Variants in HVCN1 observed in about 807,000 individuals in gnomAD.
HVCN1 encodes voltage-gated hydrogen channel 1.
A neutral mutation model predicts 29.2 loss-of-function variants in HVCN1; 14 were observed. The observed-to-expected ratio is 0.48, with a 90% confidence interval of 0.32 to 0.75. HVCN1 has a LOEUF of 0.75. Ranked by LOEUF, HVCN1 falls within the 30% of genes least tolerant of loss-of-function variation. The pLI is 0.04. For synonymous variants in HVCN1, 131 were observed against 133.2 expected (o/e 0.98, Z 0.11); for missense variants, 263 against 341.8 (o/e 0.77, Z 1.82).
At chr12:110,663,689 C>T (rs1029537666) in intron 3 of HVCN1, among the ~76,000 whole-genome samples, 59 of 150,818 alleles carry the variant, frequency 3.9e-4, no homozygotes, top group African/African-American at 1.4e-3. Context: ...TAATGGGACA[C>T]TATACAGCAG....
At chr12:110,687,268 C>T (rs921853111) in intron 2 of HVCN1, among the ~76,000 whole-genome samples, 2 of 149,528 alleles carry the variant, frequency 1.3e-5, no homozygotes, top group Non-Finnish European at 3.0e-5. Flanking sequence ...CCCCCCCCCC[C>T]CAGCTAAGCA....
intron 3 of HVCN1, among the ~76,000 whole-genome samples, chr12:110,670,111 T>A (rs1566046639): frequency 2.0e-5 from 3 of 152,172 alleles, no homozygotes; most frequent in Admixed American, 6.5e-5. Flanking sequence ...ATTGCTGACC[T>A]CTTTTACAGG....
Position 110,649,050 on chromosome 12 carries a change from A to C in HVCN1, c.*360T>G. ...TCTTTTTCTTTCTTTCAGAATGCTC[A>C]GATGCATCAGTTCCTTAATATACAC... is the stretch of plus-strand genomic sequence containing the variant. On this transcript the variant is annotated 3_prime_UTR_variant, in exon 8 of 8. Transcript: ENST00000242607. 1.9e-6 allele frequency: 1 copy of C among 525,536 alleles called. No individual in the cohort carries two copies. The highest frequency in any genetic ancestry group is 2.9e-4 in the Middle Eastern group (1 of 3,488). The allele number at this position is 525,536 out of a possible 1,614,324, so 32.6% of individuals were successfully genotyped here. A position where few individuals can be genotyped will look rare whatever the true frequency, so the allele number is the denominator to read the frequency against.
At chr12:110,671,315 G>A (rs933982152) in intron 3 of HVCN1, among the ~76,000 whole-genome samples, 2 of 151,928 alleles carry the variant, frequency 1.3e-5, no homozygotes, top group South Asian at 2.1e-4. Context: ...AATGAGACTC[G>A]GTCTCAAAAA....
intron 3 of HVCN1, among the ~76,000 whole-genome samples, chr12:110,682,051 G>A (rs1312728714): frequency 1.3e-5 from 2 of 152,032 alleles, no homozygotes; most frequent in African/African-American, 2.4e-5. Flanking sequence ...GCAATGGTGC[G>A]ATCTTGGCTC....
At position 110,658,377 on chromosome 12, in the gene HVCN1, C is replaced by T. The variant is rs2068056312; in HGVS notation, c.306+2787G>A. On this transcript the variant is annotated intron_variant, in intron 4 of 7. Transcript: ENST00000242607. The surrounding 1 kb of genome is among the most constrained non-coding windows in gnomAD (Gnocchi z 5.0). Reference sequence around the variant, plus strand: ...GCTGCCACCAAGTCCCTCCACAAATCTGATCTCCCACCCACACACTTAGAG... The same window carrying T: ...GCTGCCACCAAGTCCCTCCACAAATTTGATCTCCCACCCACACACTTAGAG... Among the ~76,000 whole-genome samples, 1 of 152,152 alleles carries T rather than the reference C, an allele frequency of 6.6e-6. No individual in the cohort carries two copies. The highest frequency in any genetic ancestry group is 1.5e-5 in the Non-Finnish European group (1 of 68,008).
rs140090110 is a variant in HVCN1, at chr12:110,654,727, G to A, written c.411+507C>T. On this transcript the variant is annotated intron_variant, in intron 5 of 7. Transcript: ENST00000242607. The stretch of plus-strand genomic sequence containing the variant: ...ACTCCTGACCTCAGGTGATCCACCC[G>A]CCTTGTCCTCCCAAAGTGCAGAGAC... Among the ~76,000 whole-genome samples, 1,058 of 152,178 alleles carry A rather than the reference G, an allele frequency of 7.0e-3. 8 individuals carry two copies. Among genetic ancestry groups the A allele is most frequent in the Non-Finnish European group, 0.012 (790 of 67,974 alleles).
intron 3 of HVCN1, among the ~76,000 whole-genome samples, chr12:110,667,920 G>A (rs2068427469): frequency 6.6e-6 from 1 of 152,148 alleles, no homozygotes; most frequent in African/African-American, 2.4e-5. Flanking sequence ...AATATCTAGG[G>A]CACTCAGCAG....
intron 4 of HVCN1, among the ~76,000 whole-genome samples, chr12:110,657,679 C>T (rs1482767057): frequency 6.6e-6 from 1 of 152,074 alleles, no homozygotes; most frequent in Non-Finnish European, 1.5e-5. Flanking sequence ...GACAGACCAA[C>T]CTAAGGTCAC....
chr12:110,680,259 G>A (rs555454476), intron 3 of HVCN1, among the ~76,000 whole-genome samples: 200 of 152,216 alleles, frequency 1.3e-3, no homozygotes, highest in African/African-American at 4.6e-3. Context: ...ACAGGCTCCA[G>A]GCTCCAGGTT....
intron 3 of HVCN1, among the ~76,000 whole-genome samples, chr12:110,669,696 C>T (rs2068505472): frequency 6.6e-6 from 1 of 152,250 alleles, no homozygotes; most frequent in East Asian, 1.9e-4. Flanking sequence ...ACACTGTCCC[C>T]ACCACATTGG....
intron 2 of HVCN1, among the ~76,000 whole-genome samples, chr12:110,683,555 T>C (rs1235659666): frequency 6.6e-6 from 1 of 152,192 alleles, no homozygotes; most frequent in Non-Finnish European, 1.5e-5. Flanking sequence ...TGTCCATCAA[T>C]GGATGAATGG....
Position 110,649,319 on chromosome 12 carries a change from C to T in HVCN1, c.*91G>A. The stretch of plus-strand genomic sequence containing the variant: ...GGCAGAGGTATCAAACCAAACCTCT[C>T]ACCAAGCGGCCCAGGAGGGGCAGCT... On this transcript the variant is annotated 3_prime_UTR_variant, in exon 8 of 8. Coordinates refer to ENST00000242607, the MANE Select transcript of HVCN1 (RefSeq NM_032369.4). The T allele has an allele frequency of 9.8e-7, 1 of 1,024,476 alleles. No individual in the cohort carries two copies. The allele number at this position is 1,024,476 out of a possible 1,614,324, so 63.5% of individuals were successfully genotyped here.
intron 2 of HVCN1, among the ~76,000 whole-genome samples, chr12:110,685,943 T>C (rs1185440256): frequency 6.6e-6 from 1 of 151,542 alleles, no homozygotes; most frequent in Non-Finnish European, 1.5e-5. Context: ...CAGCCTCCCA[T>C]GGTGTTAGTA....
At position 110,696,119 on chromosome 12, in the gene HVCN1, A is replaced by AT. The variant is rs1366355430; in HGVS notation, c.-104+6189dup. 7.7e-3 allele frequency among the ~76,000 whole-genome samples: 1,112 copies of AT among 143,890 alleles called. 16 individuals carry two copies. The highest frequency in any genetic ancestry group is 0.024 in the African/African-American group (959 of 39,432). The allele number at this position is 143,890 out of a possible 152,430, so 94.4% of individuals were successfully genotyped here. ...AGGAGCCCGCCACCATGCTCAGCTA[A>AT]TTTTTTTTTTTTTCAGTTGAGATGG... On this transcript the variant is annotated intron_variant, in intron 2 of 4. Coordinates refer to the HVCN1 transcript ENST00000546713.
chr12:110,667,564 G>A (rs1337869049), intron 3 of HVCN1, among the ~76,000 whole-genome samples: 2 of 152,104 alleles, frequency 1.3e-5, no homozygotes, highest in South Asian at 4.1e-4. Context: ...TGAGTAGCTG[G>A]AACTATAGGC....
intron 3 of HVCN1, among the ~76,000 whole-genome samples, chr12:110,678,732 G>A (rs2068841880): frequency 6.6e-6 from 1 of 152,128 alleles, no homozygotes; most frequent in Admixed American, 6.5e-5. Context: ...GATTACAGGT[G>A]TGAGCCACTG....
chr12:110,655,705 G>GTT (rs150136698), intron 4 of HVCN1, among the ~76,000 whole-genome samples: 3,249 of 136,296 alleles, frequency 0.024, 57 homozygotes, highest in Non-Finnish European at 0.033. Flanking sequence ...CAAATAATCA[G>GTT]TTTTTTTTTT....
chr12:110,655,197 A>G (rs978930931), intron 5 of HVCN1, 37 bp downstream of exon 5: 3 of 1,508,784 alleles, frequency 2.0e-6, no homozygotes, highest in South Asian at 1.1e-5. Flanking sequence ...CAAGCAAAAC[A>G]TATCAGTAAG....
Sources: allele counts gnomAD v4.1 joint callset (sites outside exome capture counted in the v4.1 genomes callset), GRCh38; gene constraint gnomAD v4.1.1; non-coding constraint Gnocchi (gnomAD v3.1); transcripts MANE v1.5; gene names NCBI Gene and HGNC (gene_info 2026-07-23, HGNC 2026-07-21).